Variants in NCKAP5 observed in about 807,000 individuals in gnomAD.
The protein encoded by NCKAP5 is nck-associated protein 5.
In NCKAP5, 92 loss-of-function variants were observed where a neutral mutation model predicts 167.0. That is an observed-to-expected ratio of 0.55 (90% confidence interval 0.47 to 0.66). The LOEUF is 0.66. NCKAP5 is among the 30% of genes least tolerant of loss of function. The probability of loss-of-function intolerance (pLI) is 0.00; values close to 1 mark genes in which losing one functional copy is unlikely to be tolerated. For missense variants in NCKAP5, 2,378 were observed against 2,315.0 expected (o/e 1.03, Z -0.56); for synonymous variants, 891 against 877.4 (o/e 1.02, Z -0.27).
chr2:133,336,807 G>A (rs529117446), intron 3 of NCKAP5, among the ~76,000 whole-genome samples: 5 of 152,226 alleles, frequency 3.3e-5, no homozygotes, highest in East Asian at 1.9e-4. Context: ...CTGGCTACAC[G>A]GGTGGCTGAT....
At chr2:133,242,337 CA>C (rs1358216374) in intron 4 of NCKAP5, among the ~76,000 whole-genome samples, 3 of 150,648 alleles carry the variant, frequency 2.0e-5, no homozygotes, top group African/African-American at 7.4e-5. Context: ...TAATGAAAGA[CA>C]GATAGCCTTG....
At chr2:133,586,590 G>A in the NCKAP5 span, among the ~76,000 whole-genome samples, 1 of 152,182 alleles carries the variant, frequency 6.6e-6, no homozygotes, top group Non-Finnish European at 1.5e-5. Flanking sequence ...TCTTCACATA[G>A]ATGTGAAGCA....
At chr2:132,962,411 C>T (rs570864711) in intron 8 of NCKAP5, among the ~76,000 whole-genome samples, 2 of 151,986 alleles carry the variant, frequency 1.3e-5, no homozygotes, top group East Asian at 3.9e-4. Flanking sequence ...AGTAGTCGAA[C>T]AGGGATTCAA....
At chr2:133,264,694 C>G (rs899256351) in intron 4 of NCKAP5, among the ~76,000 whole-genome samples, 4 of 152,244 alleles carry the variant, frequency 2.6e-5, no homozygotes, top group Admixed American at 6.5e-5. Flanking sequence ...GAAAGAAATG[C>G]TACAGAACAA....
At chr2:132,842,747 C>G (rs576102547) in intron 11 of NCKAP5, among the ~76,000 whole-genome samples, 1 of 151,916 alleles carries the variant, frequency 6.6e-6, no homozygotes, top group African/African-American at 2.4e-5. Flanking sequence ...ACTTTGTTGC[C>G]TAGGTTGATC....
At chr2:133,664,169 T>G in the NCKAP5 span, among the ~76,000 whole-genome samples, 1 of 152,036 alleles carries the variant, frequency 6.6e-6, no homozygotes, top group Non-Finnish European at 1.5e-5. Context: ...CTTTTTTTTT[T>G]TCTGAACAGG....
chr2:133,295,797 G>A (rs945060463), intron 4 of NCKAP5, among the ~76,000 whole-genome samples: 1 of 152,166 alleles, frequency 6.6e-6, no homozygotes, highest in African/African-American at 2.4e-5. Context: ...TGCAGATATA[G>A]CTTGTTCAAA....
chr2:132,872,942 C>T (rs1434954277), intron 9 of NCKAP5, among the ~76,000 whole-genome samples: 2 of 152,010 alleles, frequency 1.3e-5, no homozygotes, highest in Non-Finnish European at 2.9e-5. Flanking sequence ...GAGCTGCCTA[C>T]CTCTAAAGTT....
At chr2:133,493,382 A>T (rs1004734391) in intron 3 of NCKAP5, among the ~76,000 whole-genome samples, 3 of 152,196 alleles carry the variant, frequency 2.0e-5, no homozygotes, top group Non-Finnish European at 4.4e-5. Flanking sequence ...ATACCTTCAT[A>T]CTATTCTTTT....
intron 3 of NCKAP5, among the ~76,000 whole-genome samples, chr2:133,438,497 T>C (rs9287428): frequency 0.19 from 28,530 of 152,146 alleles, 2,888 homozygotes; most frequent in African/African-American, 0.24. Flanking sequence ...TAATGCTAGT[T>C]ACTAATACAG....
chr2:133,462,782 G>C (rs1692281665), intron 3 of NCKAP5, among the ~76,000 whole-genome samples: 1 of 152,160 alleles, frequency 6.6e-6, no homozygotes. Context: ...TTGGAATTGA[G>C]ACTGAGAACC....
chr2:132,849,829 C>G (rs1349308910), intron 11 of NCKAP5, among the ~76,000 whole-genome samples: 3 of 152,148 alleles, frequency 2.0e-5, no homozygotes, highest in African/African-American at 7.2e-5. Flanking sequence ...GAACCATTTC[C>G]CAAAGCTGCT....
At chr2:133,113,614 C>A (rs752420996) in intron 6 of NCKAP5, among the ~76,000 whole-genome samples, 4 of 152,192 alleles carry the variant, frequency 2.6e-5, no homozygotes, top group Non-Finnish European at 5.9e-5. Context: ...TCTGTGCCTC[C>A]CCTCTGCCTC....
intron 3 of NCKAP5, among the ~76,000 whole-genome samples, chr2:133,469,239 G>A (rs1287613120): frequency 6.6e-6 from 1 of 151,978 alleles, no homozygotes; most frequent in African/African-American, 2.4e-5. Context: ...TTGCTTGTCT[G>A]TAAAGTATTT....
intron 11 of NCKAP5, among the ~76,000 whole-genome samples, chr2:132,837,463 C>G (rs189897065): frequency 7.2e-5 from 11 of 152,078 alleles, no homozygotes; most frequent in African/African-American, 2.4e-4. Context: ...TATACTTTAC[C>G]TTCCAGCCCT....
chr2:132,828,095 C>T (rs1162956294), intron 11 of NCKAP5, among the ~76,000 whole-genome samples: 1 of 152,142 alleles, frequency 6.6e-6, no homozygotes. Flanking sequence ...GGAGACACTT[C>T]AGGTAAGGTA....
At chr2:133,042,353 AT>A (rs1481673297) in intron 6 of NCKAP5, among the ~76,000 whole-genome samples, 8 of 152,122 alleles carry the variant, frequency 5.3e-5, no homozygotes, top group African/African-American at 9.7e-5. Flanking sequence ...AATAATGAAA[AT>A]TATGTAGCCT....
intron 6 of NCKAP5, among the ~76,000 whole-genome samples, chr2:133,128,371 G>T (rs568953672): frequency 2.6e-5 from 4 of 152,170 alleles, no homozygotes; most frequent in South Asian, 2.1e-4. Context: ...CCTTCACAAG[G>T]TTCCTATATC....
At chr2:133,079,191 A>G (rs887679895) in intron 6 of NCKAP5, among the ~76,000 whole-genome samples, 1 of 152,166 alleles carries the variant, frequency 6.6e-6, no homozygotes, top group African/African-American at 2.4e-5. Context: ...GTCCTATACA[A>G]TGATAATTGA....
Sources: allele counts gnomAD v4.1 joint callset (sites outside exome capture counted in the v4.1 genomes callset), GRCh38; gene constraint gnomAD v4.1.1; transcripts MANE v1.5; gene names NCBI Gene and HGNC (gene_info 2026-07-23, HGNC 2026-07-21).